Variants in DPP6 observed in about 807,000 individuals in gnomAD.
The protein encoded by DPP6 is dipeptidyl peptidase like 6.
Under a neutral mutation model 122.6 loss-of-function variants are expected in DPP6, and 69 were observed. The ratio of observed to expected loss-of-function variants is 0.56; its 90% CI spans 0.46 to 0.69. The LOEUF (loss-of-function observed/expected upper bound fraction) is 0.69, where lower values mean the gene tolerates loss of function less well. DPP6 is among the 30% of genes least tolerant of loss of function. The pLI, the probability that DPP6 is intolerant of heterozygous loss-of-function variation, is 0.00. For missense variants in DPP6, 928 were observed against 1,116.9 expected, an observed-to-expected ratio of 0.83 and a Z score of 2.41; for synonymous variants, 418 against 433.1, an observed-to-expected ratio of 0.97 and a Z score of 0.43.
the DPP6 span, among the ~76,000 whole-genome samples, chr7:153,787,673 G>T: frequency 4.7e-5 from 7 of 150,220 alleles, no homozygotes; most frequent in African/African-American, 1.7e-4. Context: ...GGGAGGCTAA[G>T]GTGGGAGAAT....
intron 3 of DPP6, among the ~76,000 whole-genome samples, chr7:154,476,469 T>C (rs954276853): frequency 6.6e-6 from 1 of 152,142 alleles, no homozygotes; most frequent in African/African-American, 2.4e-5. Flanking sequence ...AGGTAGACCT[T>C]GGGAGGAAAA....
intron 3 of DPP6, 197 bp downstream of exon 3, chr7:154,475,234 G>A: frequency 3.6e-6 from 2 of 554,986 alleles, no homozygotes; most frequent in South Asian, 3.6e-5. Flanking sequence ...CTTTTGTAAT[G>A]GTGTTGCCTC....
At chr7:154,123,612 G>T (rs1480399093) in intron 1 of DPP6, among the ~76,000 whole-genome samples, 1 of 152,196 alleles carries the variant, frequency 6.6e-6, no homozygotes, top group Non-Finnish European at 1.5e-5. Flanking sequence ...TCACCCCTGG[G>T]TGGGGCCTCT....
At chr7:153,992,170 G>T (rs1391066845) in intron 1 of DPP6, among the ~76,000 whole-genome samples, 1 of 151,686 alleles carries the variant, frequency 6.6e-6, no homozygotes, top group Non-Finnish European at 1.5e-5. Context: ...CATAAATTTT[G>T]GGGGGCACAT....
At chr7:154,269,449 C>G (rs890158746) in intron 1 of DPP6, among the ~76,000 whole-genome samples, 11 of 152,136 alleles carry the variant, frequency 7.2e-5, no homozygotes, top group Non-Finnish European at 1.6e-4. Flanking sequence ...TTCCCCTTGT[C>G]CTGCCCTTCT....
intron 1 of DPP6, among the ~76,000 whole-genome samples, chr7:153,955,123 G>A (rs1186721464): frequency 6.6e-6 from 1 of 152,172 alleles, no homozygotes; most frequent in Non-Finnish European, 1.5e-5. Context: ...ATCAAGTTCT[G>A]TCATAATGTT....
At position 154,424,699 on chromosome 7, in the gene DPP6, T is replaced by C. The variant is rs940268994; in HGVS notation, c.244-21515T>C. Reference sequence around the variant, plus strand: ...CAGGTTCTGGGAATTAGGATTTAGATGTCTTTGGGCGGCCTTGTTCATTAC... The same window carrying C: ...CAGGTTCTGGGAATTAGGATTTAGACGTCTTTGGGCGGCCTTGTTCATTAC... On this transcript the variant is annotated intron_variant, in intron 1 of 25. Transcript: ENST00000377770. 5.9e-5 allele frequency among the ~76,000 whole-genome samples: 9 copies of C among 152,328 alleles called. No individual in the cohort carries two copies. The East Asian group carries it at 1.7e-3, about 29-fold the overall frequency.
chr7:154,608,157 T>G (rs1833676052), intron 5 of DPP6, among the ~76,000 whole-genome samples: 1 of 149,594 alleles, frequency 6.7e-6, no homozygotes, highest in Non-Finnish European at 1.5e-5. Flanking sequence ...TTTTTTGTAT[T>G]TTTAATAGAG....
At chr7:153,831,573 T>G in the DPP6 span, among the ~76,000 whole-genome samples, 1 of 152,252 alleles carries the variant, frequency 6.6e-6, no homozygotes, top group East Asian at 1.9e-4. Context: ...TGACCCCCTT[T>G]TATTTGGCAA....
intron 7 of DPP6, among the ~76,000 whole-genome samples, chr7:154,718,470 T>C (rs926797193): frequency 2.0e-5 from 3 of 152,110 alleles, no homozygotes; most frequent in African/African-American, 7.2e-5. Flanking sequence ...CACGTCAAGA[T>C]TACTTTGAAT....
At chr7:153,798,438 C>T in the DPP6 span, among the ~76,000 whole-genome samples, 7 of 152,324 alleles carry the variant, frequency 4.6e-5, no homozygotes, top group African/African-American at 9.6e-5. Flanking sequence ...CACATGCCAG[C>T]GGCAATCACA....
chr7:154,136,230 A>G (rs1330908530), intron 1 of DPP6, among the ~76,000 whole-genome samples: 3 of 152,062 alleles, frequency 2.0e-5, no homozygotes, highest in Non-Finnish European at 4.4e-5. Context: ...TTGTTTAATG[A>G]CAGTCGACTC....
chr7:154,141,518 A>G (rs1223142928), intron 1 of DPP6, among the ~76,000 whole-genome samples: 1 of 152,240 alleles, frequency 6.6e-6, no homozygotes, highest in African/African-American at 2.4e-5. Flanking sequence ...TGAATGAACA[A>G]ATCAATCAAT....
rs1445016924 is a variant in DPP6 at position 154,875,167 on chromosome 7, A to G, written c.1884-739A>G. Among the ~76,000 whole-genome samples, 1 of 150,872 alleles carries G rather than the reference A, an allele frequency of 6.6e-6. No homozygotes were observed. Among genetic ancestry groups the G allele is most frequent in the Admixed American group, 6.6e-5 (1 of 15,178 alleles). ...AGAGAAGGAAAGAAGGAGGGGAGGG[A>G]GGGAGGAAGGGAGGGAACAGCCCTG... is the stretch of plus-strand genomic sequence containing the variant. On this transcript the variant is annotated intron_variant, in intron 19 of 25. Transcript: ENST00000377770. The surrounding 1 kb of genome is among the most constrained non-coding windows in gnomAD (Gnocchi z 4.5).
At chr7:154,562,127 C>G (rs1830461854) in intron 4 of DPP6, among the ~76,000 whole-genome samples, 1 of 151,960 alleles carries the variant, frequency 6.6e-6, no homozygotes, top group South Asian at 2.1e-4. Flanking sequence ...AAAAACCAAA[C>G]AAAGAAGTTA....
chr7:154,030,734 C>T (rs564906515), intron 1 of DPP6, among the ~76,000 whole-genome samples: 10 of 152,220 alleles, frequency 6.6e-5, no homozygotes, highest in South Asian at 4.2e-4. Context: ...GATTCAGCGT[C>T]TGGACTTCCC....
At chr7:154,691,460 A>G (rs1586898456) in intron 7 of DPP6, among the ~76,000 whole-genome samples, 1 of 152,314 alleles carries the variant, frequency 6.6e-6, no homozygotes, top group Non-Finnish European at 1.5e-5. Context: ...TTCCATTTAT[A>G]GTAGTAATAC....
chr7:154,007,502 A>G (rs1797963248), intron 1 of DPP6, among the ~76,000 whole-genome samples: 1 of 152,062 alleles, frequency 6.6e-6, no homozygotes, highest in African/African-American at 2.4e-5. Context: ...AATCACCTCT[A>G]ATTGCTTCTC....
At chr7:154,767,369 T>G (rs574115642) in intron 8 of DPP6, among the ~76,000 whole-genome samples, 1 of 152,290 alleles carries the variant, frequency 6.6e-6, no homozygotes, top group Admixed American at 6.5e-5. Flanking sequence ...GTGCCTATTT[T>G]TTCCAGCAGA....
Sources: gnomAD v4.1 joint callset for allele counts (sites outside exome capture counted in the v4.1 genomes callset) on GRCh38, gnomAD v4.1.1 for gene constraint, Gnocchi (gnomAD v3.1) non-coding constraint, MANE v1.5 for transcripts, NCBI Gene and HGNC (gene_info 2026-07-23, HGNC 2026-07-21) for gene names.